DIAPH2: variants seen among roughly 807,000 people sequenced by gnomAD.
DIAPH2 encodes diaphanous related formin 2, also known as protein diaphanous homolog 2.
DIAPH2 carries 35 observed loss-of-function variants against 92.7 expected under a neutral mutation model. The ratio of observed to expected loss-of-function variants is 0.38; its 90% confidence interval spans 0.29 to 0.50. The LOEUF is 0.50. Among genes scored for constraint, DIAPH2 ranks in the 20% least tolerant of loss-of-function variants. The probability of loss-of-function intolerance (pLI) is 0.94; values close to 1 mark genes in which losing one functional copy is unlikely to be tolerated. For synonymous variants in DIAPH2, 301 were observed against 280.4 expected (o/e 1.07, Z -0.73); for missense variants, 701 against 819.5 (o/e 0.86, Z 1.77).
intron 26 of DIAPH2, among the ~76,000 whole-genome samples, chrX:97,576,381 T>C (rs2071399788): frequency 9.0e-6 from 1 of 111,283 alleles, no homozygotes; most frequent in Non-Finnish European, 1.9e-5. Flanking sequence ...CAAGACAAGC[T>C]CAAGAAATTT....
chrX:96,941,665 T>A (rs1198596593), intron 12 of DIAPH2, among the ~76,000 whole-genome samples: 4 of 111,436 alleles, frequency 3.6e-5, no homozygotes, highest in Non-Finnish European at 7.6e-5. Flanking sequence ...GAACCATTTC[T>A]GTATCCATGA....
At chrX:96,754,951 A>G (rs2064216710) in intron 3 of DIAPH2, among the ~76,000 whole-genome samples, 1 of 105,454 alleles carries the variant, frequency 9.5e-6, no homozygotes, top group South Asian at 4.3e-4. Flanking sequence ...AAAAAAAAAA[A>G]AGGAAATAGA....
chrX:97,336,180 A>AGG (rs2069056952), intron 23 of DIAPH2, among the ~76,000 whole-genome samples: 1 of 110,499 alleles, frequency 9.0e-6, no homozygotes, highest in Admixed American at 9.7e-5. Context: ...AAGTCTATTA[A>AGG]GTCTCCCAAA....
At chrX:96,909,842 C>T (rs1013719090) in intron 5 of DIAPH2, among the ~76,000 whole-genome samples, 1 of 110,028 alleles carries the variant, frequency 9.1e-6, no homozygotes, top group Non-Finnish European at 1.9e-5. Flanking sequence ...GATGTGTGGG[C>T]GACTGATTTC....
At chrX:97,006,305 G>A (rs150056479) in intron 17 of DIAPH2, among the ~76,000 whole-genome samples, 10,821 of 111,722 alleles carry the variant, frequency 0.097, 606 homozygotes, top group African/African-American at 0.2. Flanking sequence ...TTTGGTCTAT[G>A]GTGCAGATTA....
At chrX:96,875,022 G>A (rs2065169194) in intron 4 of DIAPH2, among the ~76,000 whole-genome samples, 1 of 111,935 alleles carries the variant, frequency 8.9e-6, no homozygotes, top group Non-Finnish European at 1.9e-5. Context: ...GACCTCATGT[G>A]TTGAGTCACA....
intron 22 of DIAPH2, among the ~76,000 whole-genome samples, chrX:97,158,351 C>G: frequency 9.0e-6 from 1 of 111,264 alleles, no homozygotes; most frequent in East Asian, 2.8e-4. Flanking sequence ...TTGTCTTGTC[C>G]AGATTCTTGA....
intron 22 of DIAPH2, among the ~76,000 whole-genome samples, chrX:97,145,029 T>C (rs1239215314): frequency 8.9e-6 from 1 of 111,823 alleles, no homozygotes; most frequent in Non-Finnish European, 1.9e-5. Flanking sequence ...CCTCCCAAAG[T>C]GCTGGGATTA....
rs185283509 is a variant in DIAPH2, at chrX:97,070,867, G to T, written c.2051-2074G>T. Among the ~76,000 whole-genome samples the T allele has an allele frequency of 1.8e-4, 20 of 111,760 alleles. No individual in the cohort carries two copies. In the Admixed American group the frequency reaches 1.9e-3, roughly 11 times the overall value. ...ACAATTTGTTCACTTGAAAAGGGGA[G>T]AGGCTAGACCATATTTTAATTAAAA... On this transcript the variant is annotated intron_variant, in intron 17 of 26. Transcript: ENST00000324765.
chrX:97,159,906 G>C (rs2067354415), intron 22 of DIAPH2, among the ~76,000 whole-genome samples: 1 of 111,216 alleles, frequency 9.0e-6, no homozygotes, highest in Non-Finnish European at 1.9e-5. Flanking sequence ...CATAAACACA[G>C]ATATGCTACA....
At chrX:96,697,876 C>CA (rs371709090) in intron 1 of DIAPH2, among the ~76,000 whole-genome samples, 79 of 94,053 alleles carry the variant, frequency 8.4e-4, no homozygotes, top group South Asian at 3.4e-3. Flanking sequence ...GTGCCATTGT[C>CA]AAAAAAAAAA....
intron 21 of DIAPH2, 60 bp downstream of exon 21, chrX:97,115,025 A>G: frequency 1.5e-5 from 16 of 1,034,279 alleles, no homozygotes; most frequent in Non-Finnish European, 2.1e-5. Flanking sequence ...ATGAAAGGTG[A>G]TACTGCAAAT....
chrX:97,305,799 G>A (rs1285671070), intron 23 of DIAPH2, among the ~76,000 whole-genome samples: 4 of 103,050 alleles, frequency 3.9e-5, no homozygotes, highest in Admixed American at 2.1e-4. Context: ...ACTCCAGCCT[G>A]GGCGACAGAG....
At chrX:97,219,652 T>G (rs2067909230) in intron 22 of DIAPH2, among the ~76,000 whole-genome samples, 1 of 111,941 alleles carries the variant, frequency 8.9e-6, no homozygotes, top group Admixed American at 9.5e-5. Context: ...TAAATATGAT[T>G]AAATACACTA....
chrX:97,384,127 T>C (rs1157155462), intron 25 of DIAPH2, 83 bp downstream of exon 25: 5 of 868,716 alleles, frequency 5.8e-6, no homozygotes, highest in Non-Finnish European at 1.6e-6. Context: ...ATAAAGTAAA[T>C]TTTCATAGAA....
intron 4 of DIAPH2, among the ~76,000 whole-genome samples, chrX:96,836,686 T>TATAC (rs1491129179): frequency 5.2e-5 from 1 of 19,118 alleles, no homozygotes; most frequent in African/African-American, 3.4e-4. Flanking sequence ...GCAGTACAGG[T>TATAC]ATATATATAT....
intron 17 of DIAPH2, among the ~76,000 whole-genome samples, chrX:96,988,502 G>A (rs2066047347): frequency 9.1e-6 from 1 of 110,003 alleles, no homozygotes; most frequent in Admixed American, 9.7e-5. Context: ...TGTCCAATAA[G>A]TATCTTATTG....
At chrX:96,791,799 GT>G (rs1188995078) in intron 4 of DIAPH2, among the ~76,000 whole-genome samples, 14 of 108,975 alleles carry the variant, frequency 1.3e-4, no homozygotes, top group African/African-American at 4.0e-4. Flanking sequence ...TGTGATAAAT[GT>G]TTTTTTTTGG....
intron 23 of DIAPH2, among the ~76,000 whole-genome samples, chrX:97,283,298 G>GTGATGA (rs988246309): frequency 8.9e-6 from 1 of 111,741 alleles, no homozygotes; most frequent in Admixed American, 9.6e-5. Flanking sequence ...GATGGTGGTA[G>GTGATGA]TGATGATGAT....
Sources: gnomAD v4.1 joint callset for allele counts (sites outside exome capture counted in the v4.1 genomes callset) on GRCh38, gnomAD v4.1.1 for gene constraint, MANE v1.5 for transcripts, NCBI Gene and HGNC (gene_info 2026-07-23, HGNC 2026-07-21) for gene names.